Variants in PPM1L observed in about 807,000 individuals in gnomAD.
PPM1L encodes protein phosphatase 1L.
Under a neutral mutation model 31.4 loss-of-function variants are expected in PPM1L, and 13 were observed. The observed-to-expected ratio is 0.41, with a 90% CI of 0.27 to 0.66. The LOEUF (loss-of-function observed/expected upper bound fraction) is 0.66, where lower values mean the gene tolerates loss of function less well. Ranked by LOEUF, PPM1L falls within the 30% of genes least tolerant of loss-of-function variation. The pLI, the probability that PPM1L is intolerant of heterozygous loss-of-function variation, is 0.29. For synonymous variants in PPM1L, 184 were observed against 175.4 expected (o/e 1.05, Z -0.39); for missense variants, 326 against 453.7 (o/e 0.72, Z 2.56).
chr3:160,959,424 C>T (rs1186564958), intron 1 of PPM1L, among the ~76,000 whole-genome samples: 1 of 152,112 alleles, frequency 6.6e-6, no homozygotes, highest in Non-Finnish European at 1.5e-5. Flanking sequence ...CCAAAAACCA[C>T]CTGTTCCCCA....
Position 161,023,555 on chromosome 3 carries a change from C to T in PPM1L, c.575-41848C>T, listed in dbSNP as rs141777397. Among the ~76,000 whole-genome samples the T allele has an allele frequency of 4.3e-3, 655 of 152,176 alleles. 2 individuals are homozygous for T. The highest frequency in any genetic ancestry group is 0.015 in the African/African-American group (620 of 41,530). On this transcript the variant is annotated intron_variant, in intron 2 of 3. Transcript: ENST00000498165. ...ATTGAATTTTTCATTTCATTTACTA[C>T]GCAAATATAAACCAGAATTTCTATT...
chr3:161,000,955 T>C (rs1055275605), intron 2 of PPM1L, among the ~76,000 whole-genome samples: 3 of 152,196 alleles, frequency 2.0e-5, no homozygotes, highest in African/African-American at 7.2e-5. Flanking sequence ...CACCAGATCA[T>C]TGAAGATTTA....
chr3:160,957,104 C>T (rs528925780), intron 1 of PPM1L, among the ~76,000 whole-genome samples: 1 of 152,284 alleles, frequency 6.6e-6, no homozygotes, highest in South Asian at 2.1e-4. Flanking sequence ...GCATTTGAGC[C>T]AGACTTTGAA....
At chr3:160,958,801 G>A (rs995627533) in intron 1 of PPM1L, among the ~76,000 whole-genome samples, 3 of 152,126 alleles carry the variant, frequency 2.0e-5, no homozygotes, top group Non-Finnish European at 4.4e-5. Context: ...TACTCTAGGG[G>A]ATAAAATATA....
chr3:160,887,907 C>T, intron 1 of PPM1L, among the ~76,000 whole-genome samples: 1 of 152,084 alleles, frequency 6.6e-6, no homozygotes, highest in Non-Finnish European at 1.5e-5. Flanking sequence ...GAATTCTCAA[C>T]CTAGAATTTT....
At chr3:160,788,291 C>T (rs904940802) in intron 1 of PPM1L, among the ~76,000 whole-genome samples, 1 of 151,958 alleles carries the variant, frequency 6.6e-6, no homozygotes, top group Non-Finnish European at 1.5e-5. Flanking sequence ...TGATTTCTTT[C>T]ATCAGTGTTT....
chr3:160,903,179 GTGTGTGTGTGTGTGGTATGTGTGTATGTT>G (rs1713608451), intron 1 of PPM1L, among the ~76,000 whole-genome samples: 1 of 139,486 alleles, frequency 7.2e-6, no homozygotes, highest in South Asian at 2.2e-4. Context: ...GTGTGTGTGT[GTGTGTGTGTGTGTGGTATGTGTGTATGTT>G]TGTGTGTGTG....
chr3:160,822,682 G>A (rs1713236137), intron 1 of PPM1L, among the ~76,000 whole-genome samples: 1 of 152,046 alleles, frequency 6.6e-6, no homozygotes, highest in Admixed American at 6.6e-5. Flanking sequence ...CTGAAATATG[G>A]TCAATAGAAA....
intron 1 of PPM1L, among the ~76,000 whole-genome samples, chr3:160,805,993 C>A (rs1253157173): frequency 6.6e-6 from 1 of 152,178 alleles, no homozygotes; most frequent in African/African-American, 2.4e-5. Context: ...AGAACCACCC[C>A]CTGCCCCCTG....
chr3:161,050,679 T>C (rs1719245450), intron 2 of PPM1L, among the ~76,000 whole-genome samples: 1 of 152,186 alleles, frequency 6.6e-6, no homozygotes, highest in Non-Finnish European at 1.5e-5. Context: ...ACAATATATA[T>C]TCTTCAGAAA....
chr3:160,979,419 A>G (rs2108032769), intron 2 of PPM1L, among the ~76,000 whole-genome samples: 1 of 152,070 alleles, frequency 6.6e-6, no homozygotes, highest in Admixed American at 6.5e-5. Context: ...AAGGGGCACA[A>G]CTCTAGGATA....
intron 1 of PPM1L, among the ~76,000 whole-genome samples, chr3:160,877,697 T>C (rs535890858): frequency 1.3e-5 from 2 of 152,304 alleles, no homozygotes; most frequent in Non-Finnish European, 2.9e-5. Flanking sequence ...CACTGGATTT[T>C]ACAGACTGAC....
chr3:161,028,800 C>G (rs752348904), intron 2 of PPM1L, among the ~76,000 whole-genome samples: 1 of 152,150 alleles, frequency 6.6e-6, no homozygotes, highest in Non-Finnish European at 1.5e-5. Flanking sequence ...AAAAGCTTAT[C>G]AGGATGCTGA....
chr3:160,780,060 A>G (rs1424125513), intron 1 of PPM1L, among the ~76,000 whole-genome samples: 2 of 151,094 alleles, frequency 1.3e-5, no homozygotes, highest in African/African-American at 4.9e-5. Context: ...TCATTCCTCC[A>G]TTGCCCAGGC....
intron 1 of PPM1L, among the ~76,000 whole-genome samples, chr3:160,917,965 C>G (rs1329466628): frequency 1.3e-5 from 2 of 152,210 alleles, no homozygotes; most frequent in Non-Finnish European, 2.9e-5. Context: ...AGCACCTTGA[C>G]CACCTGGAAA....
rs1718898375 is a variant in PPM1L at position 161,041,354 on chromosome 3, G to A, written c.575-24049G>A. 1.3e-5 allele frequency among the ~76,000 whole-genome samples: 2 copies of A among 152,148 alleles called. 1 individual carries two copies. Among genetic ancestry groups the A allele is most frequent in the African/African-American group, 4.8e-5 (2 of 41,422 alleles). ...GCCTCCCTAAAAGGTTTAAAACCAAGCTGCACCCTGACCACCTTGGGCACA... is the reference window on the plus strand; with the variant it reads ...GCCTCCCTAAAAGGTTTAAAACCAAACTGCACCCTGACCACCTTGGGCACA... On this transcript the variant is annotated intron_variant, in intron 2 of 3. Coordinates refer to ENST00000498165, the MANE Select transcript of PPM1L (RefSeq NM_139245.4).
intron 2 of PPM1L, among the ~76,000 whole-genome samples, chr3:161,043,906 TTTC>T (rs1490526540): frequency 6.6e-6 from 1 of 152,180 alleles, no homozygotes; most frequent in East Asian, 1.9e-4. Flanking sequence ...GGCTTGTAAC[TTTC>T]TTGTTTCTGG....
intron 1 of PPM1L, among the ~76,000 whole-genome samples, chr3:160,937,619 C>G (rs1423158608): frequency 6.7e-6 from 1 of 148,402 alleles, no homozygotes; most frequent in Non-Finnish European, 1.5e-5. Context: ...GTCTCCGTCT[C>G]AAAAAAAAAC....
intron 1 of PPM1L, among the ~76,000 whole-genome samples, chr3:160,847,933 G>A (rs1714132236): frequency 6.6e-6 from 1 of 152,104 alleles, no homozygotes; most frequent in Non-Finnish European, 1.5e-5. Flanking sequence ...CCTAGGCATT[G>A]TGTTTCTGAC....
Sources: allele counts gnomAD v4.1 joint callset (sites outside exome capture counted in the v4.1 genomes callset), GRCh38; gene constraint gnomAD v4.1.1; transcripts MANE v1.5; gene names NCBI Gene and HGNC (gene_info 2026-07-23, HGNC 2026-07-21).